SPATS2L: variants seen among roughly 807,000 people sequenced by gnomAD.
The protein encoded by SPATS2L is spermatogenesis associated serine rich 2 like, also known as SPATS2-like protein.
A neutral mutation model predicts 59.6 loss-of-function variants in SPATS2L; 30 were observed. The ratio of observed to expected loss-of-function variants is 0.50; its 90% confidence interval spans 0.38 to 0.68. The LOEUF (loss-of-function observed/expected upper bound fraction) is 0.68, where lower values mean the gene tolerates loss of function less well. Among genes scored for constraint, SPATS2L ranks in the 30% least tolerant of loss-of-function variants. The pLI, the probability that SPATS2L is intolerant of heterozygous loss-of-function variation, is 0.00. For missense variants in SPATS2L, 615 were observed against 700.0 expected (o/e 0.88, Z 1.37); for synonymous variants, 252 against 263.5 (o/e 0.96, Z 0.42).
intron 1 of SPATS2L, among the ~76,000 whole-genome samples, chr2:200,327,013 C>T (rs1013134847): frequency 1.3e-5 from 2 of 149,486 alleles, no homozygotes; most frequent in Non-Finnish European, 3.0e-5. Flanking sequence ...TCCCAAAATG[C>T]TAGGATTACA....
chr2:200,443,115 T>G (rs2084806422), intron 8 of SPATS2L, among the ~76,000 whole-genome samples: 1 of 152,206 alleles, frequency 6.6e-6, no homozygotes, highest in Non-Finnish European at 1.5e-5. Context: ...ACCAAAGTGC[T>G]CTTTAAAATC....
At chr2:200,341,483 G>A (rs191019261) in intron 2 of SPATS2L, among the ~76,000 whole-genome samples, 3 of 152,212 alleles carry the variant, frequency 2.0e-5, no homozygotes, top group East Asian at 3.9e-4. Flanking sequence ...GAAGTCTGGG[G>A]GAAATGTTGA....
intron 6 of SPATS2L, among the ~76,000 whole-genome samples, chr2:200,428,667 A>C (rs1344051137): frequency 6.6e-6 from 1 of 152,106 alleles, no homozygotes; most frequent in Admixed American, 6.5e-5. Flanking sequence ...AAAGCACTTC[A>C]ACAACATGCT....
At chr2:200,337,951 A>G (rs2080197955) in intron 2 of SPATS2L, among the ~76,000 whole-genome samples, 1 of 152,214 alleles carries the variant, frequency 6.6e-6, no homozygotes, top group Admixed American at 6.5e-5. Flanking sequence ...GAACATATAT[A>G]TTCAGGTATT....
Position 200,478,214 on chromosome 2 carries a change from T to G in SPATS2L, c.*183T>G, listed in dbSNP as rs1202142607. The G allele has an allele frequency of 2.0e-5, 11 of 544,922 alleles. No individual in the cohort carries two copies. The highest frequency in any genetic ancestry group is 3.2e-5 in the Non-Finnish European group (11 of 342,060). The allele number at this position is 544,922 out of a possible 1,614,324, so 33.8% of individuals were successfully genotyped here. ...AGCTTGCTTCATAATTTTCATGGCT[T>G]TGCTTGATCTGTTGATGCTTTCTCT... On this transcript the variant is annotated 3_prime_UTR_variant, in exon 13 of 13. Coordinates refer to ENST00000409140, the MANE Select transcript of SPATS2L (RefSeq NM_001100423.2).
chr2:200,312,662 A>G (rs530903245), intron 1 of SPATS2L, among the ~76,000 whole-genome samples: 2 of 152,356 alleles, frequency 1.3e-5, no homozygotes, highest in East Asian at 3.9e-4. Context: ...GCAAAACTGA[A>G]GCCTAGAAAG....
At chr2:200,401,185 C>T (rs2082515112) in intron 3 of SPATS2L, among the ~76,000 whole-genome samples, 1 of 144,244 alleles carries the variant, frequency 6.9e-6, no homozygotes, top group Non-Finnish European at 1.5e-5. Flanking sequence ...TTGGAGAAAC[C>T]TTGAGACTGC....
At chr2:200,448,455 AAAC>A (rs888577250) in intron 8 of SPATS2L, among the ~76,000 whole-genome samples, 1 of 152,142 alleles carries the variant, frequency 6.6e-6, no homozygotes, top group African/African-American at 2.4e-5. Context: ...AACAAAAACA[AAAC>A]AACAACAACA....
At chr2:200,375,753 A>G (rs755872356) in intron 2 of SPATS2L, among the ~76,000 whole-genome samples, 2 of 152,118 alleles carry the variant, frequency 1.3e-5, no homozygotes, top group Non-Finnish European at 2.9e-5. Flanking sequence ...CAGCTTCCCT[A>G]GTAGCTGGGA....
chr2:200,477,517 A>T (rs975149889), intron 12 of SPATS2L, 119 bp from the exon 13 acceptor site: 4,396 of 53,286 alleles, frequency 0.082, 36 homozygotes, highest in Middle Eastern at 0.2. Context: ...CTGGTGTATA[A>T]AAAAAAAAAA....
intron 2 of SPATS2L, among the ~76,000 whole-genome samples, chr2:200,374,659 A>G (rs2081539685): frequency 6.6e-6 from 1 of 152,130 alleles, no homozygotes; most frequent in Non-Finnish European, 1.5e-5. Flanking sequence ...AGATAATGAA[A>G]TTGTTAGCAT....
chr2:200,359,195 T>C (rs2081018400), intron 2 of SPATS2L, among the ~76,000 whole-genome samples: 1 of 152,186 alleles, frequency 6.6e-6, no homozygotes, highest in Admixed American at 6.5e-5. Flanking sequence ...GTTTCTTCTC[T>C]TTCTTCCTCC....
intron 1 of SPATS2L, among the ~76,000 whole-genome samples, chr2:200,326,095 T>C (rs1055757591): frequency 3.3e-5 from 5 of 152,200 alleles, no homozygotes; most frequent in Admixed American, 6.5e-5. Context: ...GGGTGTAGTC[T>C]GAGGTTTGAA....
rs1283794295 is a variant in SPATS2L, at chr2:200,315,900, C to G, written c.-73+8978C>G. On this transcript the variant is annotated intron_variant, in intron 1 of 12. Transcript: ENST00000409140. ...AAGAGCCTGGCATGGTGGTGGGCAC[C>G]TGCAGTCCCAGCTACTCGGGAGGCT... is the stretch of plus-strand genomic sequence containing the variant. Among the ~76,000 whole-genome samples, 3 of 149,120 alleles carry G rather than the reference C, an allele frequency of 2.0e-5. No homozygotes were observed. In the East Asian group the frequency reaches 5.9e-4, roughly 30 times the overall value.
At position 200,479,439 on chromosome 2, in the gene SPATS2L, G is replaced by A. The variant is rs2087727779; in HGVS notation, c.*1408G>A. ...GTCTCTTAAACCAATCATGAAAGGGGGGAGAGAAGTGAATGGGATGAACTA... is the reference window on the plus strand; with the variant it reads ...GTCTCTTAAACCAATCATGAAAGGGAGGAGAGAAGTGAATGGGATGAACTA... On this transcript the variant is annotated 3_prime_UTR_variant, in exon 13 of 13. Transcript: ENST00000409140. The A allele has an allele frequency of 2.5e-6, 1 of 397,572 alleles. No individual in the cohort carries two copies. The highest frequency in any genetic ancestry group is 4.4e-5 in the Admixed American group (1 of 22,694). 24.6% of individuals were successfully genotyped at this position (397,572 alleles called of 1,614,324 possible).
In SPATS2L at chr2:200,421,221, G is replaced by A. The variant is rs533556519; in HGVS notation, c.445+1725G>A. On this transcript the variant is annotated intron_variant, in intron 6 of 12. Coordinates refer to ENST00000409140, the MANE Select transcript of SPATS2L (RefSeq NM_001100423.2). ...TTTGGGGAAGAGAGGTGCAGTATCCGACTGAGTGCTCCTGGGAGATTTCCT... is the reference window on the plus strand; with the variant it reads ...TTTGGGGAAGAGAGGTGCAGTATCCAACTGAGTGCTCCTGGGAGATTTCCT... Among the ~76,000 whole-genome samples the A allele has an allele frequency of 5.3e-5, 8 of 152,270 alleles. No homozygotes were observed. The South Asian group carries it at 1.7e-3, about 32-fold the overall frequency.
At chr2:200,394,138 G>T (rs1559093767) in intron 3 of SPATS2L, among the ~76,000 whole-genome samples, 1 of 152,170 alleles carries the variant, frequency 6.6e-6, no homozygotes, top group East Asian at 1.9e-4. Context: ...TAACGATAAG[G>T]ATTTAAATTG....
chr2:200,448,826 A>G (rs368113539), intron 8 of SPATS2L, among the ~76,000 whole-genome samples: 1 of 152,198 alleles, frequency 6.6e-6, no homozygotes, highest in Non-Finnish European at 1.5e-5. Context: ...TGCAAGGGAC[A>G]CCAAGAGACA....
intron 6 of SPATS2L, among the ~76,000 whole-genome samples, chr2:200,433,140 C>T (rs764006032): frequency 6.6e-6 from 1 of 152,176 alleles, no homozygotes; most frequent in African/African-American, 2.4e-5. Context: ...AGATATAACA[C>T]CTCTAAATGT....
Sources: allele counts gnomAD v4.1 joint callset (sites outside exome capture counted in the v4.1 genomes callset), GRCh38; gene constraint gnomAD v4.1.1; transcripts MANE v1.5; gene names NCBI Gene and HGNC (gene_info 2026-07-23, HGNC 2026-07-21).